SLC6A6: variants seen among roughly 807,000 people sequenced by gnomAD.
SLC6A6 encodes solute carrier family 6 member 6, also known as sodium- and chloride-dependent taurine transporter.
A neutral mutation model predicts 68.8 loss-of-function variants in SLC6A6; 16 were observed. The observed-to-expected ratio is 0.23, with a 90% confidence interval of 0.16 to 0.35. The LOEUF (loss-of-function observed/expected upper bound fraction) is 0.35, where lower values mean the gene tolerates loss of function less well. Among genes scored for constraint, SLC6A6 ranks in the 10% least tolerant of loss-of-function variants. SLC6A6 has a pLI of 1.00. For synonymous variants in SLC6A6, 312 were observed against 315.4 expected (o/e 0.99, Z 0.12); for missense variants, 474 against 802.8 (o/e 0.59, Z 4.95).
At chr3:14,469,791 A>G (rs1328850580) in intron 9 of SLC6A6, among the ~76,000 whole-genome samples, 1 of 152,058 alleles carries the variant, frequency 6.6e-6, no homozygotes, top group Non-Finnish European at 1.5e-5. Flanking sequence ...CACACTGCCC[A>G]GCCCCATCCT....
intron 6 of SLC6A6, among the ~76,000 whole-genome samples, chr3:14,463,053 T>G (rs559637731): frequency 1.3e-5 from 2 of 152,324 alleles, no homozygotes; most frequent in African/African-American, 4.8e-5. Context: ...CAAGCTTAAC[T>G]TTTTCCTTCT....
intron 1 of SLC6A6, among the ~76,000 whole-genome samples, chr3:14,407,548 C>T (rs1188077503): frequency 1.4e-5 from 2 of 147,534 alleles, no homozygotes; most frequent in Admixed American, 6.8e-5. Context: ...TATTCTGTTT[C>T]CCAGGCTGGA....
rs1342625612 is a variant in SLC6A6, at chr3:14,477,976, G to A, written c.1348-490G>A. 1.3e-5 allele frequency among the ~76,000 whole-genome samples: 2 copies of A among 151,676 alleles called. No homozygotes were observed. The highest frequency in any genetic ancestry group is 6.6e-5 in the Admixed American group (1 of 15,266). On this transcript the variant is annotated intron_variant, in intron 11 of 14. Coordinates refer to ENST00000622186, the MANE Select transcript of SLC6A6 (RefSeq NM_003043.6). This position sits in a 1 kb window ranked among gnomAD's most constrained non-coding sequence, Gnocchi z 4.2. ...ATGGAAGCCTAGCATCAAAGCCAGG[G>A]CACGCTCTCTCCTGCATGCCCCCCC...
rs1041153573 is a variant in SLC6A6 at position 14,477,025 on chromosome 3, C to G, written c.1210-180C>G. Among the ~76,000 whole-genome samples, 5 of 152,226 alleles carry G rather than the reference C, an allele frequency of 3.3e-5. No individual in the cohort carries two copies. Among genetic ancestry groups the G allele is most frequent in the African/African-American group, 1.2e-4 (5 of 41,460 alleles). On this transcript the variant is annotated intron_variant, in intron 10 of 14. Transcript: ENST00000622186. This position sits in a 1 kb window ranked among gnomAD's most constrained non-coding sequence, Gnocchi z 4.2. ...CCGAGGAGTGGCAGGCGGGACTCCCCAGGCACAGTCAGGGAGGCCAGGCTT... is the reference window on the plus strand; with the variant it reads ...CCGAGGAGTGGCAGGCGGGACTCCCGAGGCACAGTCAGGGAGGCCAGGCTT...
At chr3:14,417,687 G>A (rs139860436) in intron 2 of SLC6A6, among the ~76,000 whole-genome samples, 1,552 of 150,072 alleles carry the variant, frequency 0.01, 36 homozygotes, top group African/African-American at 0.036. Flanking sequence ...AGCCGCGATC[G>A]TGCCACTGCA....
intron 1 of SLC6A6, among the ~76,000 whole-genome samples, chr3:14,403,859 G>A (rs1330067245): frequency 1.3e-5 from 2 of 152,238 alleles, no homozygotes; most frequent in African/African-American, 4.8e-5. Flanking sequence ...GGACTGGAGA[G>A]GAGACCTGTG....
intron 14 of SLC6A6, among the ~76,000 whole-genome samples, chr3:14,484,314 A>T (rs1037716609): frequency 2.6e-5 from 4 of 152,214 alleles, no homozygotes; most frequent in Non-Finnish European, 4.4e-5. Flanking sequence ...AGCCCTTAAG[A>T]TGTAAACCCT....
intron 1 of SLC6A6, chr3:14,411,470 C>A (rs550184641): frequency 6.6e-6 from 1 of 152,422 alleles, no homozygotes; most frequent in East Asian, 1.9e-4. Flanking sequence ...AGTAAGCACT[C>A]AAAAAAGATG....
At position 14,481,621 on chromosome 3, in the gene SLC6A6, AC is replaced by A. The variant is rs753863847; in HGVS notation, c.1552-44del. 2.4e-5 allele frequency: 16 copies of A among 654,924 alleles called. No individual in the cohort carries two copies. Among genetic ancestry groups the A allele is most frequent in the Non-Finnish European group, 3.2e-5 (12 of 380,032 alleles). The allele number at this position is 654,924 out of a possible 1,614,324, so 40.6% of individuals were successfully genotyped here. On this transcript the variant is annotated intron_variant, in intron 13 of 14. Coordinates refer to ENST00000622186, the MANE Select transcript of SLC6A6 (RefSeq NM_003043.6). The surrounding 1 kb of genome is among the most constrained non-coding windows in gnomAD (Gnocchi z 4.7). ...CCAGTCCTAGTCCCAGAAGCCCCCCACCCCCCGATGCCCAGGACCCCTCTCC... is the reference window on the plus strand; with the variant it reads ...CCAGTCCTAGTCCCAGAAGCCCCCCACCCCCGATGCCCAGGACCCCTCTCC...
chr3:14,457,980 C>T lies in SLC6A6; in HGVS notation c.630C>T (p.Ile210=), dbSNP rs780896452. ...ERNVLSLSPG[I]DHPGSLKWDL... ...ACGTGCTGAGCTTGTCCCCTGGAAT[C>T]GACCACCCAGGCTCTCTGAAATGGG... is the stretch of plus-strand genomic sequence containing the variant. The change falls in exon 6 of 15, where the codon ATC becomes ATT. Residue 210 remains isoleucine (I), a synonymous_variant. Transcript: ENST00000622186. 1.4e-5 allele frequency: 23 copies of T among 1,613,914 alleles called. No individual in the cohort carries two copies. The African/African-American group carries it at 1.6e-4, about 11-fold the overall frequency.
At chr3:14,447,935 G>T (rs1180444297) in intron 5 of SLC6A6, 119 bp downstream of exon 5, 1 of 1,488,036 alleles carries the variant, frequency 6.7e-7, no homozygotes, top group Admixed American at 2.2e-5. Flanking sequence ...TGGGAGGAGG[G>T]TGCAGATCTG....
intron 10 of SLC6A6, among the ~76,000 whole-genome samples, chr3:14,473,462 C>G (rs1282458381): frequency 6.6e-6 from 1 of 152,060 alleles, no homozygotes; most frequent in Non-Finnish European, 1.5e-5. Flanking sequence ...GCGGGAGAAC[C>G]CTTTGTCCCC....
chr3:14,424,872 G>T (rs1347646384), intron 2 of SLC6A6, among the ~76,000 whole-genome samples: 1 of 152,096 alleles, frequency 6.6e-6, no homozygotes, highest in Non-Finnish European at 1.5e-5. Flanking sequence ...GGGAGGGGAC[G>T]GGGACACGGC....
chr3:14,448,086 C>A, intron 5 of SLC6A6: 1 of 1,186,304 alleles, frequency 8.4e-7, no homozygotes, highest in Non-Finnish European at 1.1e-6. Flanking sequence ...TGAATCATTA[C>A]TACCCTGTGA....
At position 14,447,776 on chromosome 3, in the gene SLC6A6, A is replaced by T. The variant is rs369822270; in HGVS notation, c.559A>T (p.Ser187Cys). 1.9e-6 allele frequency: 3 copies of T among 1,614,114 alleles called. No homozygotes were observed. The highest frequency in any genetic ancestry group is 2.5e-6 in the Non-Finnish European group (3 of 1,180,038). The change falls in exon 5 of 15, where the codon AGC (serine) becomes TGC (cysteine). Residue 187 changes from serine to cysteine, a missense_variant. Physicochemically the swap from Ser to Cys is moderately radical, Grantham distance 112. This residue lies in a region of SLC6A6 where 280 missense variants were observed against 533.1 expected (regional missense o/e 0.53). Transcript: ENST00000622186. Reference protein sequence around the residue: ...RKNKSVWITISSTNFTSPVIE... With the variant: ...RKNKSVWITICSTNFTSPVIE... ...GAACAAGAGTGTCTGGATCACCATC[A>T]GCTCCACCAACTTCACCTCCCCTGT...
At chr3:14,424,872 G>A (rs1347646384) in intron 2 of SLC6A6, among the ~76,000 whole-genome samples, 1 of 152,096 alleles carries the variant, frequency 6.6e-6, no homozygotes, top group Admixed American at 6.6e-5. Context: ...GGGAGGGGAC[G>A]GGGACACGGC....
At chr3:14,454,566 G>A (rs11919644) in intron 5 of SLC6A6, among the ~76,000 whole-genome samples, 66,985 of 151,962 alleles carry the variant, frequency 0.44, 15,220 homozygotes, top group African/African-American at 0.55. Flanking sequence ...AAAGAATGTC[G>A]GTTGCTCTGG....
chr3:14,430,800 C>A (rs1332383769), intron 2 of SLC6A6, among the ~76,000 whole-genome samples: 1 of 152,224 alleles, frequency 6.6e-6, no homozygotes, highest in Non-Finnish European at 1.5e-5. Context: ...TCTTTCAGGC[C>A]TCAGTTTCCC....
At chr3:14,434,892 C>T (rs1278293599) in intron 2 of SLC6A6, among the ~76,000 whole-genome samples, 1 of 152,196 alleles carries the variant, frequency 6.6e-6, no homozygotes, top group Non-Finnish European at 1.5e-5. Flanking sequence ...CCTGCCACTT[C>T]CAAGGAGATG....
Sources: gnomAD v4.1 joint callset for allele counts (sites outside exome capture counted in the v4.1 genomes callset) on GRCh38, gnomAD v4.1.1 for gene constraint, gnomAD v4.1.1 regional missense constraint, Gnocchi (gnomAD v3.1) non-coding constraint, MANE v1.5 for transcripts, NCBI Gene and HGNC (gene_info 2026-07-23, HGNC 2026-07-21) for gene names.